Variants in PHACTR1 observed in about 807,000 individuals in gnomAD.
The protein encoded by PHACTR1 is phosphatase and actin regulator 1.
A neutral mutation model predicts 69.2 loss-of-function variants in PHACTR1; 16 were observed. That is an observed-to-expected ratio of 0.23 (90% CI 0.16 to 0.35). The LOEUF (loss-of-function observed/expected upper bound fraction) is 0.35. PHACTR1 is among the 10% of genes least tolerant of loss of function. The pLI, the probability that PHACTR1 is intolerant of heterozygous loss-of-function variation, is 1.00. For missense variants in PHACTR1, 510 were observed against 734.7 expected, an observed-to-expected ratio of 0.69 and a Z score of 3.54; for synonymous variants, 312 against 284.5, an observed-to-expected ratio of 1.10 and a Z score of -0.97.
chr6:13,038,776 TA>T (rs1253831487), intron 4 of PHACTR1, among the ~76,000 whole-genome samples: 1 of 152,186 alleles, frequency 6.6e-6, no homozygotes, highest in Admixed American at 6.5e-5. Flanking sequence ...GCGGTCAGTT[TA>T]AGGCTGCTAT....
intron 5 of PHACTR1, among the ~76,000 whole-genome samples, chr6:13,095,749 CTTTTTTTTTTTT>C (rs140109520): frequency 6.2e-4 from 48 of 77,250 alleles, no homozygotes; most frequent in African/African-American, 2.3e-3. Flanking sequence ...TTGTGAAGGG[CTTTTTTTTTTTT>C]TTTTTTTTTT....
chr6:12,874,284 G>A (rs527366752), intron 4 of PHACTR1, among the ~76,000 whole-genome samples: 1 of 152,102 alleles, frequency 6.6e-6, no homozygotes, highest in Non-Finnish European at 1.5e-5. Flanking sequence ...GGATCCTCAG[G>A]GCTTGTTCCT....
At chr6:12,849,036 CTT>C (rs1216419400) in intron 4 of PHACTR1, among the ~76,000 whole-genome samples, 1 of 152,002 alleles carries the variant, frequency 6.6e-6, no homozygotes, top group Non-Finnish European at 1.5e-5. Context: ...AGTCAAATGA[CTT>C]TGCAGATGGC....
At chr6:12,955,220 A>G (rs1300283433) in intron 4 of PHACTR1, among the ~76,000 whole-genome samples, 1 of 77,028 alleles carries the variant, frequency 1.3e-5, no homozygotes, top group Non-Finnish European at 2.2e-5. Flanking sequence ...TTTGAGAGAG[A>G]TAGCATCTTG....
intron 4 of PHACTR1, among the ~76,000 whole-genome samples, chr6:13,011,234 T>C (rs566424256): frequency 6.6e-6 from 1 of 152,372 alleles, no homozygotes; most frequent in African/African-American, 2.4e-5. Flanking sequence ...ACTAGCCACA[T>C]GCGGCCACTG....
chr6:12,760,888 G>A (rs934047742), intron 4 of PHACTR1, among the ~76,000 whole-genome samples: 4 of 152,196 alleles, frequency 2.6e-5, no homozygotes, highest in East Asian at 1.9e-4. Flanking sequence ...AGCTGAGATC[G>A]TGCTATTGCA....
chr6:13,121,513 G>A (rs1006086547), intron 5 of PHACTR1, among the ~76,000 whole-genome samples: 3 of 152,104 alleles, frequency 2.0e-5, no homozygotes, highest in African/African-American at 7.2e-5. Flanking sequence ...AGGAGTTAAC[G>A]ATTACACTCT....
intron 4 of PHACTR1, among the ~76,000 whole-genome samples, chr6:12,882,062 G>A (rs1326384923): frequency 6.6e-6 from 1 of 152,154 alleles, no homozygotes; most frequent in African/African-American, 2.4e-5. Flanking sequence ...TAAGAACAGG[G>A]CATTTGACTG....
At chr6:13,218,737 T>C (rs1047790009) in intron 8 of PHACTR1, among the ~76,000 whole-genome samples, 14 of 150,478 alleles carry the variant, frequency 9.3e-5, no homozygotes, top group Non-Finnish European at 1.6e-4. Context: ...GAGGATTGCT[T>C]GAGCCCAAAG....
chr6:13,104,107 A>G (rs369710150), intron 5 of PHACTR1, among the ~76,000 whole-genome samples: 7 of 151,796 alleles, frequency 4.6e-5, no homozygotes, highest in Admixed American at 4.6e-4. Flanking sequence ...AATAAAGAAA[A>G]TTTTTTTCGA....
intron 4 of PHACTR1, among the ~76,000 whole-genome samples, chr6:12,958,285 C>T (rs1792158434): frequency 6.6e-6 from 1 of 152,196 alleles, no homozygotes; most frequent in Admixed American, 6.5e-5. Context: ...AGGAGATTCA[C>T]TTGCAAATCT....
intron 4 of PHACTR1, among the ~76,000 whole-genome samples, chr6:12,794,049 A>C (rs1772671672): frequency 6.6e-6 from 1 of 152,234 alleles, no homozygotes; most frequent in Admixed American, 6.5e-5. Flanking sequence ...ATCCTGGTTC[A>C]ATCACTTAGC....
chr6:12,882,253 A>T (rs938084103), intron 4 of PHACTR1, among the ~76,000 whole-genome samples: 1 of 152,128 alleles, frequency 6.6e-6, no homozygotes, highest in Non-Finnish European at 1.5e-5. Context: ...TGGCTGCTTG[A>T]TTGGAGAGAA....
At chr6:13,082,800 T>A (rs1164580632) in intron 5 of PHACTR1, among the ~76,000 whole-genome samples, 1 of 152,246 alleles carries the variant, frequency 6.6e-6, no homozygotes, top group Non-Finnish European at 1.5e-5. Flanking sequence ...GGGTTGTTTT[T>A]TTCTTGTAAA....
chr6:13,161,395 CCTCT>C (rs1482714489), intron 6 of PHACTR1, among the ~76,000 whole-genome samples: 1 of 152,126 alleles, frequency 6.6e-6, no homozygotes, highest in Non-Finnish European at 1.5e-5. Flanking sequence ...GACCACACTC[CCTCT>C]GTTAGCGCTT....
At chr6:13,282,774 T>C (rs1780577660) in intron 12 of PHACTR1, among the ~76,000 whole-genome samples, 2 of 152,106 alleles carry the variant, frequency 1.3e-5, no homozygotes, top group Non-Finnish European at 2.9e-5. Context: ...GACAGAATCA[T>C]TGTAGAATGT....
At chr6:12,770,649 C>T (rs978993364) in intron 4 of PHACTR1, among the ~76,000 whole-genome samples, 3 of 152,188 alleles carry the variant, frequency 2.0e-5, no homozygotes, top group Non-Finnish European at 4.4e-5. Flanking sequence ...AAAACGTTTA[C>T]AGATGATCTG....
rs528320832 is a variant in PHACTR1 at position 13,203,692 on chromosome 6, G to T, written c.665-2123G>T. On this transcript the variant is annotated intron_variant, in intron 7 of 14. Transcript: ENST00000332995. ...TTGACCAAGAAGACAAAACAGAGGAGAATATTCTAAACTGAGGGAAAGTGA... is the reference window on the plus strand; with the variant it reads ...TTGACCAAGAAGACAAAACAGAGGATAATATTCTAAACTGAGGGAAAGTGA... 2.6e-5 allele frequency among the ~76,000 whole-genome samples: 4 copies of T among 152,288 alleles called. No homozygotes were observed. In the East Asian group the frequency reaches 7.7e-4, roughly 29 times the overall value.
At chr6:12,907,289 A>G (rs1339069770) in intron 4 of PHACTR1, among the ~76,000 whole-genome samples, 1 of 152,240 alleles carries the variant, frequency 6.6e-6, no homozygotes, top group Non-Finnish European at 1.5e-5. Context: ...AAATAAGTTA[A>G]CCAAACCTAA....
Sources: allele counts gnomAD v4.1 joint callset (sites outside exome capture counted in the v4.1 genomes callset), GRCh38; gene constraint gnomAD v4.1.1; transcripts MANE v1.5; gene names NCBI Gene and HGNC (gene_info 2026-07-23, HGNC 2026-07-21).